The following PRKN variants were observed in gnomAD, a reference collection of about 807,000 sequenced individuals.
PRKN encodes parkin RBR E3 ubiquitin protein ligase, also known as E3 ubiquitin-protein ligase parkin.
A neutral mutation model predicts 59.5 loss-of-function variants in PRKN; 56 were observed. The observed-to-expected ratio is 0.94, with a 90% CI of 0.76 to 1.18. The LOEUF (loss-of-function observed/expected upper bound fraction) is 1.18, where lower values mean the gene tolerates loss of function less well. Among genes scored for constraint, PRKN ranks in the 50% most tolerant of loss-of-function variants. PRKN has a pLI of 0.00. For missense variants in PRKN, 657 were observed against 596.4 expected, an observed-to-expected ratio of 1.10 and a Z score of -1.06; for synonymous variants, 250 against 222.1, an observed-to-expected ratio of 1.13 and a Z score of -1.12.
At chr6:161,689,977 G>A (rs568040280) in intron 7 of PRKN, among the ~76,000 whole-genome samples, 1 of 152,194 alleles carries the variant, frequency 6.6e-6, no homozygotes, top group African/African-American at 2.4e-5. Context: ...CTCCCAAAGT[G>A]CTGGGATTAC....
intron 7 of PRKN, among the ~76,000 whole-genome samples, chr6:161,776,438 G>A (rs1298196460): frequency 6.6e-6 from 1 of 152,142 alleles, no homozygotes; most frequent in African/African-American, 2.4e-5. Flanking sequence ...TCATCAAAAT[G>A]TACTGAAAAA....
At chr6:162,570,569 C>T (rs1252175968) in intron 1 of PRKN, among the ~76,000 whole-genome samples, 1 of 152,174 alleles carries the variant, frequency 6.6e-6, no homozygotes, top group Non-Finnish European at 1.5e-5. Flanking sequence ...GCAACCTAAG[C>T]ATCCATCAAC....
rs60180187 is a variant in PRKN at position 162,375,742 on chromosome 6, T to TACACAC, written c.171+67562_171+67567dup. On this transcript the variant is annotated intron_variant, in intron 2 of 11. Transcript: ENST00000366898. ...CCAATCTGATACAAATATGGCTTTG[T>TACACAC]ACACACACACACACACACACACAAA... Among the ~76,000 whole-genome samples the TACACAC allele has an allele frequency of 2.9e-3, 432 of 149,102 alleles. 2 individuals are homozygous for TACACAC. Among genetic ancestry groups the TACACAC allele is most frequent in the East Asian group, 0.019 (94 of 5,062 alleles).
intron 2 of PRKN, among the ~76,000 whole-genome samples, chr6:162,312,027 GT>G (rs1321620906): frequency 6.6e-6 from 1 of 151,994 alleles, no homozygotes; most frequent in Non-Finnish European, 1.5e-5. Context: ...ATATATGTGT[GT>G]GTTTGCACAC....
chr6:162,173,070 C>A (rs1310187173), intron 4 of PRKN, among the ~76,000 whole-genome samples: 1 of 152,106 alleles, frequency 6.6e-6, no homozygotes, highest in East Asian at 1.9e-4. Context: ...GAGGTGAATA[C>A]CTCCCCATTT....
intron 2 of PRKN, among the ~76,000 whole-genome samples, chr6:162,391,206 A>C (rs1330542375): frequency 6.6e-6 from 1 of 152,162 alleles, no homozygotes; most frequent in South Asian, 2.1e-4. Flanking sequence ...TGGATTTCGA[A>C]CATCTGCAAT....
intron 3 of PRKN, among the ~76,000 whole-genome samples, chr6:162,202,590 C>T (rs1435501871): frequency 6.6e-6 from 1 of 152,130 alleles, no homozygotes; most frequent in East Asian, 1.9e-4. Flanking sequence ...TTCTGTGTAA[C>T]TTTAATGCCC....
intron 6 of PRKN, among the ~76,000 whole-genome samples, chr6:161,809,302 T>C (rs1394609700): frequency 1.3e-4 from 1 of 7,464 alleles, no homozygotes; most frequent in Non-Finnish European, 3.5e-4. Context: ...CCTGAGGAAT[T>C]ACCACTTGGG....
At chr6:162,410,799 G>A (rs1473112996) in intron 2 of PRKN, among the ~76,000 whole-genome samples, 1 of 152,172 alleles carries the variant, frequency 6.6e-6, no homozygotes, top group Non-Finnish European at 1.5e-5. Flanking sequence ...CTGAGGAGCT[G>A]AAAAGCGTTC....
chr6:162,550,748 T>C (rs1449285191), intron 1 of PRKN, among the ~76,000 whole-genome samples: 7 of 152,294 alleles, frequency 4.6e-5, no homozygotes, highest in African/African-American at 1.7e-4. Context: ...ATATTTAAGT[T>C]CTTACAAAGA....
intron 6 of PRKN, among the ~76,000 whole-genome samples, chr6:161,969,174 C>T (rs1244452316): frequency 6.6e-6 from 1 of 151,968 alleles, no homozygotes; most frequent in African/African-American, 2.4e-5. Flanking sequence ...ATGTCCATTA[C>T]CGTGGACCTG....
At chr6:162,245,017 T>C (rs1465578281) in intron 3 of PRKN, among the ~76,000 whole-genome samples, 1 of 152,120 alleles carries the variant, frequency 6.6e-6, no homozygotes. Flanking sequence ...AAATATTGTA[T>C]CTCTCTGGTG....
intron 2 of PRKN, among the ~76,000 whole-genome samples, chr6:162,312,065 C>T (rs140629643): frequency 1.1e-3 from 167 of 152,022 alleles, no homozygotes; most frequent in Non-Finnish European, 1.7e-3. Flanking sequence ...AAACAGAAGG[C>T]GGCATGTAAA....
chr6:161,403,895 A>G (rs1214699188), intron 9 of PRKN, among the ~76,000 whole-genome samples: 1 of 152,124 alleles, frequency 6.6e-6, no homozygotes, highest in African/African-American at 2.4e-5. Context: ...CCTTCTGCCT[A>G]TCTGCTGTGG....
chr6:161,780,097 A>T (rs1790140919), intron 7 of PRKN, among the ~76,000 whole-genome samples: 1 of 152,202 alleles, frequency 6.6e-6, no homozygotes, highest in African/African-American at 2.4e-5. Context: ...TTCATAAGGC[A>T]TTATTTTAAT....
At chr6:162,696,859 A>G (rs1029578907) in intron 1 of PRKN, among the ~76,000 whole-genome samples, 1 of 152,132 alleles carries the variant, frequency 6.6e-6, no homozygotes, top group Admixed American at 6.6e-5. Flanking sequence ...AAGAACTTTT[A>G]AAAAACAAAT....
chr6:162,342,754 T>A (rs1257575635), intron 2 of PRKN, among the ~76,000 whole-genome samples: 2 of 152,160 alleles, frequency 1.3e-5, no homozygotes, highest in Non-Finnish European at 1.5e-5. Flanking sequence ...TAGAGTGATT[T>A]TCCTCCTTGT....
chr6:162,008,332 G>T (rs1009363982), intron 5 of PRKN, among the ~76,000 whole-genome samples: 22 of 152,154 alleles, frequency 1.4e-4, no homozygotes, highest in African/African-American at 5.3e-4. Context: ...TTCGTGCCCC[G>T]GGGGCCCCAG....
intron 5 of PRKN, among the ~76,000 whole-genome samples, chr6:161,973,992 C>T (rs1240357724): frequency 1.3e-5 from 2 of 152,214 alleles, no homozygotes; most frequent in African/African-American, 2.4e-5. Flanking sequence ...AGAGGCCCGG[C>T]GCGTTGGCTC....
Sources: gnomAD v4.1 joint callset for allele counts (sites outside exome capture counted in the v4.1 genomes callset) on GRCh38, gnomAD v4.1.1 for gene constraint, MANE v1.5 for transcripts, NCBI Gene and HGNC (gene_info 2026-07-23, HGNC 2026-07-21) for gene names.